PI15: variants seen among roughly 807,000 people sequenced by gnomAD.
PI15 encodes 25 kDa trypsin inhibitor.
A neutral mutation model predicts 31.0 loss-of-function variants in PI15; 18 were observed. The observed-to-expected ratio is 0.58, with a 90% CI of 0.40 to 0.86. The LOEUF (loss-of-function observed/expected upper bound fraction) is 0.86. Ranked by LOEUF, PI15 falls within the 40% of genes least tolerant of loss-of-function variation. The pLI is 0.00. For missense variants in PI15, 282 were observed against 328.1 expected, an observed-to-expected ratio of 0.86 and a Z score of 1.09; for synonymous variants, 118 against 119.1, an observed-to-expected ratio of 0.99 and a Z score of 0.06.
rs1563573139 is a variant in PI15 at position 74,854,098 on chromosome 8, T to C, written c.*4845T>C. The C allele has an allele frequency of 6.6e-6, 1 of 152,056 alleles. No individual in the cohort carries two copies. Among genetic ancestry groups the C allele is most frequent in the Non-Finnish European group, 1.5e-5 (1 of 67,922 alleles). The allele number at this position is 152,056 out of a possible 1,614,324, so 9.4% of individuals were successfully genotyped here. On this transcript the variant is annotated 3_prime_UTR_variant, in exon 6 of 6. Transcript: ENST00000260113. ...TTATTTGGTCATATTATTGAACTAATGTATTATTCCATTCAAAGTCTTTCT... is the reference window on the plus strand; with the variant it reads ...TTATTTGGTCATATTATTGAACTAACGTATTATTCCATTCAAAGTCTTTCT...
intron 2 of PI15, among the ~76,000 whole-genome samples, chr8:74,833,872 C>G (rs1200299905): frequency 6.6e-6 from 1 of 152,178 alleles, no homozygotes; most frequent in African/African-American, 2.4e-5. Context: ...GGCTGCAGAC[C>G]AGTGCCCATC....
intron 2 of PI15, among the ~76,000 whole-genome samples, chr8:74,839,208 T>A (rs1186854619): frequency 6.6e-6 from 1 of 152,222 alleles, no homozygotes; most frequent in African/African-American, 2.4e-5. Context: ...TTTGGTGGTT[T>A]AAACTTCTTG....
rs943416032 is a variant in PI15 at position 74,852,256 on chromosome 8, A to C, written c.*3003A>C. The C allele has an allele frequency of 6.6e-6, 1 of 152,142 alleles. No homozygotes were observed. The highest frequency in any genetic ancestry group is 2.4e-5 in the African/African-American group (1 of 41,466). 9.4% of individuals were successfully genotyped at this position (152,142 alleles called of 1,614,324 possible). On this transcript the variant is annotated 3_prime_UTR_variant, in exon 6 of 6. Coordinates refer to ENST00000260113, the MANE Select transcript of PI15 (RefSeq NM_015886.5). ...TTAATTTTTTTATATGACCAGTAGA[A>C]AAATTTTAATATTCTCACAATATAG... is the stretch of plus-strand genomic sequence containing the variant.
chr8:74,851,232 CT>C lies in PI15; in HGVS notation c.*1985del, dbSNP rs897929723. Reference sequence around the variant, plus strand: ...TTACATTATTTAGGTCTTAATCCAACTTTTTTCTAATATATCTAAACAATTG... The same window carrying C: ...TTACATTATTTAGGTCTTAATCCAACTTTTTCTAATATATCTAAACAATTG... On this transcript the variant is annotated 3_prime_UTR_variant, in exon 6 of 6. Coordinates refer to ENST00000260113, the MANE Select transcript of PI15 (RefSeq NM_015886.5). 6.6e-6 allele frequency: 1 copy of C among 152,062 alleles called. No homozygotes were observed. Among genetic ancestry groups the C allele is most frequent in the South Asian group, 2.1e-4 (1 of 4,830 alleles). 9.4% of individuals were successfully genotyped at this position (152,062 alleles called of 1,614,324 possible). A position where few individuals can be genotyped will look rare whatever the true frequency, so the allele number is the denominator to read the frequency against.
Position 74,850,157 on chromosome 8 carries a change from A to G in PI15, c.*904A>G, listed in dbSNP as rs1223227854. 1 of 152,238 alleles carries G rather than the reference A, an allele frequency of 6.6e-6. No homozygotes were observed. Among genetic ancestry groups the G allele is most frequent in the Admixed American group, 6.5e-5 (1 of 15,284 alleles). The allele number at this position is 152,238 out of a possible 1,614,324, so 9.4% of individuals were successfully genotyped here. The stretch of plus-strand genomic sequence containing the variant: ...CTGTAGGTGGAGCAAGTAATAAGCC[A>G]TGCTGTGCAATATATACATAAAGCT... On this transcript the variant is annotated 3_prime_UTR_variant, in exon 6 of 6. Coordinates refer to ENST00000260113, the MANE Select transcript of PI15 (RefSeq NM_015886.5).
At position 74,830,189 on chromosome 8, in the gene PI15, G is replaced by A. The variant is rs1483266972; in HGVS notation, c.273+4667G>A. ...GCAGGAGAACTCCCTGAAGTGTCATGGGTGAGATGGCAGCCTTCACAGATG... is the reference window on the plus strand; with the variant it reads ...GCAGGAGAACTCCCTGAAGTGTCATAGGTGAGATGGCAGCCTTCACAGATG... On this transcript the variant is annotated intron_variant, in intron 2 of 5. Coordinates refer to ENST00000260113, the MANE Select transcript of PI15 (RefSeq NM_015886.5). 2.0e-5 allele frequency among the ~76,000 whole-genome samples: 3 copies of A among 152,032 alleles called. No individual in the cohort carries two copies. The South Asian group carries it at 6.2e-4, about 32-fold the overall frequency.
chr8:74,847,918 G>A (rs561546749), intron 5 of PI15, among the ~76,000 whole-genome samples: 1 of 151,312 alleles, frequency 6.6e-6, no homozygotes, highest in East Asian at 1.9e-4. Flanking sequence ...ATTTTCTCCC[G>A]ACCATTTAAC....
chr8:74,843,940 T>C, intron 2 of PI15, 41 bp from the exon 3 acceptor site: 1 of 886,264 alleles, frequency 1.1e-6, no homozygotes, highest in Non-Finnish European at 1.9e-6. Flanking sequence ...TTGTTTGTTA[T>C]CAGCAAATTC....
At chr8:74,828,535 A>G (rs1023210095) in intron 2 of PI15, among the ~76,000 whole-genome samples, 1 of 152,236 alleles carries the variant, frequency 6.6e-6, no homozygotes, top group Admixed American at 6.6e-5. Context: ...GCTATATGGA[A>G]AATGCAGATC....
At chr8:74,844,350 G>C (rs1179990337) in intron 3 of PI15, among the ~76,000 whole-genome samples, 1 of 151,756 alleles carries the variant, frequency 6.6e-6, no homozygotes, top group African/African-American at 2.4e-5. Context: ...TGAGCTCGCA[G>C]AATCTTAGAA....
At chr8:74,838,366 T>C (rs1810899381) in intron 2 of PI15, among the ~76,000 whole-genome samples, 1 of 152,166 alleles carries the variant, frequency 6.6e-6, no homozygotes, top group Non-Finnish European at 1.5e-5. Flanking sequence ...TAATATCAAA[T>C]AAGATCAGAT....
rs1177760360 is a variant in PI15, at chr8:74,849,312, T to C, written c.*59T>C. The C allele has an allele frequency of 3.0e-6, 4 of 1,324,174 alleles. No homozygotes were observed. In the African/African-American group the frequency reaches 4.5e-5, roughly 15 times the overall value. 82.0% of individuals were successfully genotyped at this position (1,324,174 alleles called of 1,614,324 possible). A position where few individuals can be genotyped will look rare whatever the true frequency, so the allele number is the denominator to read the frequency against. The stretch of plus-strand genomic sequence containing the variant: ...CTGGGAACATGGGCATGTATATATA[T>C]ATATGGAGAGAGAATTTTGCACATA... On this transcript the variant is annotated 3_prime_UTR_variant, in exon 6 of 6. Transcript: ENST00000260113.
chr8:74,825,384 A>G lies in PI15; in HGVS notation c.135A>G (p.Lys45=). 6.2e-7 allele frequency: 1 copy of G among 1,613,600 alleles called. No individual in the cohort carries two copies. Among genetic ancestry groups the G allele is most frequent in the Non-Finnish European group, 8.5e-7 (1 of 1,179,674 alleles). The change falls in exon 2 of 6, where the codon AAA becomes AAG. Residue 45 remains lysine (K), a synonymous_variant. Coordinates refer to ENST00000260113, the MANE Select transcript of PI15 (RefSeq NM_015886.5). ...TCACTGATATTGAAGCAGCTCTGAA[A>G]GCACAATTAGATTCAGCGGATATCC... is the stretch of plus-strand genomic sequence containing the variant. ...NNFTDIEAAL[K]AQLDSADIPK... is the part of the protein sequence containing the mutation.
rs147092656 is a variant in PI15, at chr8:74,825,432, C to T, written c.183C>T (p.Tyr61=). Residue 61 remains tyrosine, a synonymous_variant, in exon 2 of 6, where the codon TAC becomes TAT. Coordinates refer to ENST00000260113, the MANE Select transcript of PI15 (RefSeq NM_015886.5). ...ADIPKARRKR[Y]ISQNDMIAIL... ...TCCCCAAAGCCAGGCGGAAGCGCTACATTTCGCAGAATGACATGATCGCCA... is the reference window on the plus strand; with the variant it reads ...TCCCCAAAGCCAGGCGGAAGCGCTATATTTCGCAGAATGACATGATCGCCA... 1.7e-4 allele frequency: 275 copies of T among 1,612,976 alleles called. 3 individuals are homozygous for T. In the East Asian group the frequency reaches 5.2e-3, roughly 31 times the overall value.
At position 74,850,288 on chromosome 8, in the gene PI15, G is replaced by A. The variant is rs1202325994; in HGVS notation, c.*1035G>A. The A allele has an allele frequency of 6.6e-6, 1 of 152,154 alleles. No individual in the cohort carries two copies. The highest frequency in any genetic ancestry group is 1.5e-5 in the Non-Finnish European group (1 of 68,022). The allele number at this position is 152,154 out of a possible 1,614,324, so 9.4% of individuals were successfully genotyped here. On this transcript the variant is annotated 3_prime_UTR_variant, in exon 6 of 6. Transcript: ENST00000260113. Reference sequence around the variant, plus strand: ...AGCAGATTGTACAGCTGTGACTTTGGAAAACAGAAAGTAAGACCCTCAGAA... The same window carrying A: ...AGCAGATTGTACAGCTGTGACTTTGAAAAACAGAAAGTAAGACCCTCAGAA...
At chr8:74,831,142 T>C (rs1021143741) in intron 2 of PI15, among the ~76,000 whole-genome samples, 2 of 152,184 alleles carry the variant, frequency 1.3e-5, no homozygotes, top group Admixed American at 6.5e-5. Flanking sequence ...AACATTTTGT[T>C]TGTCACCATT....
At chr8:74,834,814 C>T (rs913371589) in intron 2 of PI15, among the ~76,000 whole-genome samples, 3 of 152,166 alleles carry the variant, frequency 2.0e-5, no homozygotes, top group Non-Finnish European at 2.9e-5. Flanking sequence ...ACAAATTACT[C>T]TCCAATTGCT....
rs943442479 is a variant in PI15 at position 74,853,729 on chromosome 8, T to C, written c.*4476T>C. 1 of 152,490 alleles carries C rather than the reference T, an allele frequency of 6.6e-6. No homozygotes were observed. Among genetic ancestry groups the C allele is most frequent in the Non-Finnish European group, 1.5e-5 (1 of 67,930 alleles). 9.4% of individuals were successfully genotyped at this position (152,490 alleles called of 1,614,324 possible). Reference sequence around the variant, plus strand: ...ATCTGACAGCACCTAAAATGTTTGATAATATTAACATGTATCTAAGAGGAA... The same window carrying C: ...ATCTGACAGCACCTAAAATGTTTGACAATATTAACATGTATCTAAGAGGAA... On this transcript the variant is annotated 3_prime_UTR_variant, in exon 6 of 6. Coordinates refer to ENST00000260113, the MANE Select transcript of PI15 (RefSeq NM_015886.5).
chr8:74,828,941 T>C (rs1389669281), intron 2 of PI15, among the ~76,000 whole-genome samples: 2 of 152,150 alleles, frequency 1.3e-5, no homozygotes, highest in Non-Finnish European at 2.9e-5. Flanking sequence ...TGACCACAGA[T>C]GATTTATCCT....
Sources: allele counts gnomAD v4.1 joint callset (sites outside exome capture counted in the v4.1 genomes callset), GRCh38; gene constraint gnomAD v4.1.1; transcripts MANE v1.5; gene names NCBI Gene and HGNC (gene_info 2026-07-23, HGNC 2026-07-21).